The following CAMKMT variants were observed in gnomAD, a reference collection of about 807,000 sequenced individuals.
CAMKMT encodes CaM KMT.
A neutral mutation model predicts 48.0 loss-of-function variants in CAMKMT; 53 were observed. The observed-to-expected ratio is 1.10, with a 90% confidence interval of 0.89 to 1.39. The LOEUF (loss-of-function observed/expected upper bound fraction) is 1.39, where lower values mean the gene tolerates loss of function less well. Among genes scored for constraint, CAMKMT ranks in the 40% most tolerant of loss-of-function variants. CAMKMT has a pLI of 0.00. For missense variants in CAMKMT, 428 were observed against 402.7 expected, an observed-to-expected ratio of 1.06 and a Z score of -0.54; for synonymous variants, 165 against 152.3, an observed-to-expected ratio of 1.08 and a Z score of -0.61.
rs75105266 is a variant in CAMKMT at position 44,745,013 on chromosome 2, T to C, written c.698+1317T>C. 2.9e-3 allele frequency among the ~76,000 whole-genome samples: 442 copies of C among 152,268 alleles called. 2 individuals are homozygous for C. The highest frequency in any genetic ancestry group is 0.01 in the African/African-American group (426 of 41,542). On this transcript the variant is annotated intron_variant, in intron 8 of 10. Transcript: ENST00000378494. ...AAGGAGCTAAAACCTCACCGTATGA[T>C]TCGAGCAAGTAATTTAGTAAATGCC...
intron 1 of CAMKMT, among the ~76,000 whole-genome samples, chr2:44,372,193 T>A (rs1350702448): frequency 6.6e-6 from 1 of 152,116 alleles, no homozygotes; most frequent in East Asian, 1.9e-4. Flanking sequence ...TTTAAAGATA[T>A]AAGACTGCAA....
At chr2:44,624,672 T>A (rs1275223975) in intron 3 of CAMKMT, among the ~76,000 whole-genome samples, 1 of 152,248 alleles carries the variant, frequency 6.6e-6, no homozygotes, top group Admixed American at 6.5e-5. Flanking sequence ...ATTTTATGGC[T>A]GCATGGTATT....
intron 10 of CAMKMT, 142 bp downstream of exon 10, chr2:44,766,703 T>A (rs1680856448): frequency 1.1e-6 from 1 of 875,598 alleles, no homozygotes; most frequent in Non-Finnish European, 1.7e-6. Flanking sequence ...TGTATCTGAT[T>A]ATTTTGTGTG....
At chr2:44,602,329 C>T (rs950398416) in intron 3 of CAMKMT, among the ~76,000 whole-genome samples, 3 of 152,030 alleles carry the variant, frequency 2.0e-5, no homozygotes, top group Non-Finnish European at 4.4e-5. Context: ...AAACATTCCT[C>T]CACCTATTAT....
intron 3 of CAMKMT, among the ~76,000 whole-genome samples, chr2:44,500,986 A>T (rs1477633723): frequency 6.6e-6 from 1 of 151,638 alleles, no homozygotes; most frequent in Admixed American, 6.6e-5. Context: ...CCAGCCTCAG[A>T]TTAGTTGAAG....
intron 3 of CAMKMT, among the ~76,000 whole-genome samples, chr2:44,541,198 T>A (rs1297889386): frequency 6.6e-6 from 1 of 152,196 alleles, no homozygotes; most frequent in East Asian, 1.9e-4. Flanking sequence ...ATGTTGTTGT[T>A]TCATATGAAC....
chr2:44,637,989 C>T (rs1434122709), intron 3 of CAMKMT, among the ~76,000 whole-genome samples: 3 of 148,854 alleles, frequency 2.0e-5, no homozygotes, highest in Non-Finnish European at 3.0e-5. Flanking sequence ...CGCTTGAACT[C>T]GGGAGGCAGA....
intron 3 of CAMKMT, chr2:44,631,364 T>A (rs1672813481): frequency 1.3e-5 from 5 of 375,428 alleles, no homozygotes; most frequent in Admixed American, 4.3e-5. Context: ...AACCTGCACG[T>A]TGTGCACATG....
intron 2 of CAMKMT, among the ~76,000 whole-genome samples, chr2:44,380,427 G>C (rs1002217175): frequency 6.6e-5 from 10 of 152,140 alleles, no homozygotes; most frequent in Admixed American, 3.3e-4. Flanking sequence ...ATTTAAGTTT[G>C]AGCAGTTTCT....
intron 6 of CAMKMT, among the ~76,000 whole-genome samples, chr2:44,708,277 T>C (rs1465869173): frequency 2.3e-5 from 3 of 132,048 alleles, no homozygotes; most frequent in African/African-American, 8.3e-5. Flanking sequence ...ACAATCTACT[T>C]ATTTGAATTT....
chr2:44,434,228 T>A (rs1684816929), intron 3 of CAMKMT, among the ~76,000 whole-genome samples: 1 of 148,826 alleles, frequency 6.7e-6, no homozygotes, highest in Non-Finnish European at 1.5e-5. Flanking sequence ...TGTGAGGGAT[T>A]TTTTTTTTTT....
intron 3 of CAMKMT, chr2:44,456,463 A>G (rs907456332): frequency 7.2e-7 from 1 of 1,380,484 alleles, no homozygotes; most frequent in African/African-American, 1.5e-5. Context: ...TTATTATATA[A>G]ATATGTACAT....
intron 3 of CAMKMT, among the ~76,000 whole-genome samples, chr2:44,645,204 A>G (rs915637940): frequency 6.6e-6 from 1 of 152,250 alleles, no homozygotes; most frequent in Non-Finnish European, 1.5e-5. Context: ...GCAGAAGGAA[A>G]CAAGAATAAT....
chr2:44,476,770 A>C (rs1668710012), intron 3 of CAMKMT, among the ~76,000 whole-genome samples: 1 of 152,206 alleles, frequency 6.6e-6, no homozygotes, highest in Non-Finnish European at 1.5e-5. Flanking sequence ...TGTAATCCAC[A>C]GACCTCGTGG....
At position 44,524,320 on chromosome 2, in the gene CAMKMT, C is replaced by T. The variant is rs144569898; in HGVS notation, c.376+134015C>T. The stretch of plus-strand genomic sequence containing the variant: ...ATCTTCGTAGCCAGTAACATTACTC[C>T]CCAATCCCCCCATCCCATAACCAGG... On this transcript the variant is annotated intron_variant, in intron 3 of 10. Coordinates refer to ENST00000378494, the MANE Select transcript of CAMKMT (RefSeq NM_024766.5). Among the ~76,000 whole-genome samples the T allele has an allele frequency of 5.9e-3, 898 of 152,176 alleles. 10 individuals carry two copies. Among genetic ancestry groups the T allele is most frequent in the African/African-American group, 0.02 (846 of 41,524 alleles).
chr2:44,504,090 C>T (rs1164257583), intron 3 of CAMKMT, among the ~76,000 whole-genome samples: 5 of 151,978 alleles, frequency 3.3e-5, no homozygotes, highest in Non-Finnish European at 7.4e-5. Context: ...TCTTCATGAC[C>T]TCATCTAAGC....
chr2:44,763,770 T>C (rs1680716485), intron 9 of CAMKMT, among the ~76,000 whole-genome samples: 1 of 152,186 alleles, frequency 6.6e-6, no homozygotes. Context: ...CTGCTGTCAC[T>C]TACAGCTTAC....
intron 3 of CAMKMT, among the ~76,000 whole-genome samples, chr2:44,621,851 A>C (rs555776699): frequency 2.0e-4 from 30 of 152,320 alleles, no homozygotes; most frequent in Non-Finnish European, 3.8e-4. Context: ...ACAAGAGTAA[A>C]ATGGGGAAAA....
intron 2 of CAMKMT, among the ~76,000 whole-genome samples, chr2:44,382,059 A>T (rs144797875): frequency 6.7e-6 from 1 of 150,142 alleles, no homozygotes; most frequent in Non-Finnish European, 1.5e-5. Context: ...CTCCTGCCTC[A>T]GCCTCCTGAG....
Sources: gnomAD v4.1 joint callset for allele counts (sites outside exome capture counted in the v4.1 genomes callset) on GRCh38, gnomAD v4.1.1 for gene constraint, MANE v1.5 for transcripts, NCBI Gene and HGNC (gene_info 2026-07-23, HGNC 2026-07-21) for gene names.